SLC7A13: variants seen among roughly 807,000 people sequenced by gnomAD.
SLC7A13 encodes solute carrier family 7 member 13, also known as X-amino acid transporter 2.
SLC7A13 carries 31 observed loss-of-function variants against 32.0 expected under a neutral mutation model. That is an observed-to-expected ratio of 0.97 (90% CI 0.73 to 1.31). The LOEUF (loss-of-function observed/expected upper bound fraction) is 1.31, where lower values mean the gene tolerates loss of function less well. Among genes scored for constraint, SLC7A13 ranks in the 50% most tolerant of loss-of-function variants. The pLI, the probability that SLC7A13 is intolerant of heterozygous loss-of-function variation, is 0.00. For synonymous variants in SLC7A13, 232 were observed against 206.9 expected (o/e 1.12, Z -1.04); for missense variants, 633 against 546.9 (o/e 1.16, Z -1.57).
rs142400732 is a variant in SLC7A13 at position 86,214,554 on chromosome 8, G to A, written c.1272C>T (p.Tyr424=). The A allele has an allele frequency of 1.3e-4, 216 of 1,613,610 alleles. No individual in the cohort carries two copies. Among genetic ancestry groups the A allele is most frequent in the South Asian group, 3.6e-4 (33 of 91,074 alleles). Residue 424 remains tyrosine, a synonymous_variant, in exon 4 of 4, where the codon TAC becomes TAT. Coordinates refer to ENST00000297524, the MANE Select transcript of SLC7A13 (RefSeq NM_138817.3). Reference sequence around the variant, plus strand: ...ATCCGCTGAGAACTAACAGAAGCACGTAGACATAATGCACATTTGGAGACT... The same window carrying A: ...ATCCGCTGAGAACTAACAGAAGCACATAGACATAATGCACATTTGGAGACT... ...LVKSPNVHYV[Y]VLLLVLSGLL...
intron 2 of SLC7A13, among the ~76,000 whole-genome samples, chr8:86,221,442 T>C (rs1234773598): frequency 6.6e-6 from 1 of 152,182 alleles, no homozygotes; most frequent in African/African-American, 2.4e-5. Context: ...CACGCAGATA[T>C]TTGGACTTAA....
In SLC7A13 at chr8:86,223,057, A is replaced by G; in HGVS notation, c.732T>C (p.Thr244=). The part of the protein sequence containing the change: ...PRTTIPKCIF[T]ALPLVTVVYL... ...AAACTACAGTCACCAGAGGTAACGC[A>G]GTAAATATGCATTTGGGAATTGTTG... The change falls in exon 2 of 4, where the codon ACT becomes ACC. Residue 244 remains threonine (T), a synonymous_variant. Coordinates refer to ENST00000297524, the MANE Select transcript of SLC7A13 (RefSeq NM_138817.3). The G allele has an allele frequency of 1.2e-6, 2 of 1,606,946 alleles. No homozygotes were observed. Among genetic ancestry groups the G allele is most frequent in the Non-Finnish European group, 1.7e-6 (2 of 1,176,560 alleles).
chr8:86,225,489 G>C (rs914493720), intron 1 of SLC7A13, among the ~76,000 whole-genome samples: 3 of 152,050 alleles, frequency 2.0e-5, no homozygotes, highest in Admixed American at 1.3e-4. Flanking sequence ...TGGATTATCT[G>C]TTCTTTCTTC....
At position 86,218,239 on chromosome 8, in the gene SLC7A13, C is replaced by T. The variant is rs145373446; in HGVS notation, c.818-408G>A. 1.1e-3 allele frequency among the ~76,000 whole-genome samples: 162 copies of T among 152,196 alleles called. 1 individual carries two copies. The highest frequency in any genetic ancestry group is 3.7e-3 in the African/African-American group (153 of 41,534). ...TTTTCTAAAACTAGTTTATAGAGTC[C>T]TGATAGTTACATTCAGAGTCCAAAA... On this transcript the variant is annotated intron_variant, in intron 2 of 3. Coordinates refer to ENST00000297524, the MANE Select transcript of SLC7A13 (RefSeq NM_138817.3).
chr8:86,218,369 T>A (rs1820230007), intron 2 of SLC7A13, among the ~76,000 whole-genome samples: 1 of 152,162 alleles, frequency 6.6e-6, no homozygotes, highest in South Asian at 2.1e-4. Flanking sequence ...GAAAATAAGT[T>A]ACACACCATT....
At chr8:86,225,804 G>A (rs917661785) in intron 1 of SLC7A13, among the ~76,000 whole-genome samples, 1 of 152,070 alleles carries the variant, frequency 6.6e-6, no homozygotes, top group Admixed American at 6.6e-5. Flanking sequence ...GATGGTGAGT[G>A]CCTGTAGTCG....
rs576047792 is a variant in SLC7A13 at position 86,217,478 on chromosome 8, G to A, written c.1171C>T (p.Pro391Ser). The change falls in exon 3 of 4, where the codon CCT becomes TCT. Residue 391 changes from proline to serine, a missense_variant. By Grantham distance (74) the Pro-to-Ser change is moderately conservative. Coordinates refer to ENST00000297524, the MANE Select transcript of SLC7A13 (RefSeq NM_138817.3). ...TAGAAATCCAATTTTACCTTATAAG[G>A]TATAGATAGATTGGGTTCCTGGTAT... ...RRYQEPNLSI[P>S]YKVFLSFPLA... 5.1e-6 allele frequency: 8 copies of A among 1,575,266 alleles called. No homozygotes were observed. In the African/African-American group the frequency reaches 6.8e-5, roughly 13 times the overall value.
rs1554596596 is a variant in SLC7A13 at position 86,222,964 on chromosome 8, A to G, written c.817+8T>C. The G allele has an allele frequency of 7.5e-6, 12 of 1,589,506 alleles. No individual in the cohort carries two copies. The highest frequency in any genetic ancestry group is 8.5e-6 in the Non-Finnish European group (10 of 1,170,142). On this transcript the variant is annotated splice_region_variant and intron_variant, in intron 2 of 3. Transcript: ENST00000297524. Reference sequence around the variant, plus strand: ...TTTATTTATTGCTTTAGCCATTTGCATACAAACCTGAAGAGAGAATTTCCC... The same window carrying G: ...TTTATTTATTGCTTTAGCCATTTGCGTACAAACCTGAAGAGAGAATTTCCC...
Position 86,228,068 on chromosome 8 carries a change from A to G in SLC7A13, c.685+1525T>C, listed in dbSNP as rs377126389. Among the ~76,000 whole-genome samples the G allele has an allele frequency of 1.7e-3, 262 of 152,312 alleles. 4 individuals are homozygous for G. Among genetic ancestry groups the G allele is most frequent in the African/African-American group, 6.0e-3 (251 of 41,556 alleles). On this transcript the variant is annotated intron_variant, in intron 1 of 3. Coordinates refer to ENST00000297524, the MANE Select transcript of SLC7A13 (RefSeq NM_138817.3). ...ATAAATCCATGTAACAAACCTGTAC[A>G]TGATCCCTGAATATATAAAAATAAC...
At chr8:86,220,461 G>A (rs981173233) in intron 2 of SLC7A13, among the ~76,000 whole-genome samples, 8 of 152,040 alleles carry the variant, frequency 5.3e-5, no homozygotes, top group Non-Finnish European at 1.2e-4. Flanking sequence ...TCAGAGCTCT[G>A]ACACGGACAC....
intron 1 of SLC7A13, among the ~76,000 whole-genome samples, chr8:86,224,814 C>T (rs1438320815): frequency 1.3e-5 from 2 of 151,960 alleles, no homozygotes; most frequent in East Asian, 1.9e-4. Context: ...AGAAAAGCAA[C>T]GTAATGGTGT....
rs1187073756 is a variant in SLC7A13 at position 86,230,315 on chromosome 8, A to G, written c.-38T>C. 4 of 1,484,856 alleles carry G rather than the reference A, an allele frequency of 2.7e-6. No homozygotes were observed. The allele number at this position is 1,484,856 out of a possible 1,614,324, so 92.0% of individuals were successfully genotyped here. A position where few individuals can be genotyped will look rare whatever the true frequency, so the allele number is the denominator to read the frequency against. On this transcript the variant is annotated 5_prime_UTR_variant, in exon 1 of 4. Coordinates refer to ENST00000297524, the MANE Select transcript of SLC7A13 (RefSeq NM_138817.3). ...GTTTTAAAATTCTATATAAATTACA[A>G]TTTCTAGATTTTCCTGCCTATGTAG...
At chr8:86,228,500 A>T (rs142635591) in intron 1 of SLC7A13, among the ~76,000 whole-genome samples, 1 of 152,082 alleles carries the variant, frequency 6.6e-6, no homozygotes, top group African/African-American at 2.4e-5. Context: ...TCAGCCTCTT[A>T]GTAGCTAGGA....
intron 1 of SLC7A13, among the ~76,000 whole-genome samples, chr8:86,229,217 C>A (rs994488662): frequency 5.3e-5 from 8 of 151,758 alleles, no homozygotes; most frequent in Non-Finnish European, 1.0e-4. Context: ...TGCGTCATAC[C>A]TACCTACAAC....
At chr8:86,220,070 C>T (rs1259040074) in intron 2 of SLC7A13, among the ~76,000 whole-genome samples, 1 of 151,936 alleles carries the variant, frequency 6.6e-6, no homozygotes, top group Non-Finnish European at 1.5e-5. Context: ...CTATCATTGG[C>T]TATCTTATCA....
At position 86,222,978 on chromosome 8, in the gene SLC7A13, A is replaced by G; in HGVS notation, c.811T>C (p.Ser271Pro). ...LTVLTPREIL[S>P]SDAVAITWAD... ...TAGCCATTTGCATACAAACCTGAAGAGAGAATTTCCCTGGGTGTCAGAACA... is the reference window on the plus strand; with the variant it reads ...TAGCCATTTGCATACAAACCTGAAGGGAGAATTTCCCTGGGTGTCAGAACA... The change falls in exon 2 of 4, where the codon TCT becomes CCT. Residue 271 changes from serine to proline, a missense_variant. Physicochemically the swap from Ser to Pro is moderately conservative, Grantham distance 74 (BLOSUM62 -1). Coordinates refer to ENST00000297524, the MANE Select transcript of SLC7A13 (RefSeq NM_138817.3). The G allele has an allele frequency of 1.2e-6, 2 of 1,601,046 alleles. No individual in the cohort carries two copies. Among genetic ancestry groups the G allele is most frequent in the Non-Finnish European group, 1.7e-6 (2 of 1,174,792 alleles).
At position 86,214,484 on chromosome 8, in the gene SLC7A13, A is replaced by G; in HGVS notation, c.1342T>C (p.Trp448Arg). The G allele has an allele frequency of 6.2e-7, 1 of 1,612,576 alleles. No individual in the cohort carries two copies. Among genetic ancestry groups the G allele is most frequent in the Non-Finnish European group, 8.5e-7 (1 of 1,179,282 alleles). ...AAATAGCAAGTCATCTTCTCAAACC[A>G]AGCCAATCTTATTTTAAAATGTATT... is the stretch of plus-strand genomic sequence containing the variant. ...PLIHFKIRLA[W>R]FEKMTCYLQL... is the part of the protein sequence containing the mutation. The change falls in exon 4 of 4, where the codon TGG becomes CGG. Residue 448 changes from tryptophan to arginine, a missense_variant. Transcript: ENST00000297524.
chr8:86,228,830 G>C (rs1282558441), intron 1 of SLC7A13, among the ~76,000 whole-genome samples: 1 of 151,238 alleles, frequency 6.6e-6, no homozygotes, highest in Non-Finnish European at 1.5e-5. Flanking sequence ...TGGGCAACAA[G>C]AGGAAAACTC....
intron 1 of SLC7A13, 49 bp from the exon 2 acceptor site, chr8:86,223,152 A>G (rs756664110): frequency 5.4e-6 from 8 of 1,493,442 alleles, no homozygotes; most frequent in Non-Finnish European, 7.2e-6. Flanking sequence ...ATTATTTCTA[A>G]AATTCATTAT....
Sources: gnomAD v4.1 joint callset for allele counts (sites outside exome capture counted in the v4.1 genomes callset) on GRCh38, gnomAD v4.1.1 for gene constraint, MANE v1.5 for transcripts, NCBI Gene and HGNC (gene_info 2026-07-23, HGNC 2026-07-21) for gene names.